The following KAT6B variants were observed in gnomAD, a reference collection of about 807,000 sequenced individuals.
The protein encoded by KAT6B is histone acetyltransferase KAT6B.
In KAT6B, 10 loss-of-function variants were observed where a neutral mutation model predicts 187.5. That is an observed-to-expected ratio of 0.05 (90% CI 0.03 to 0.09). The LOEUF is 0.09. KAT6B is among the 10% of genes least tolerant of loss of function. KAT6B has a pLI of 1.00. For synonymous variants in KAT6B, 861 were observed against 926.8 expected, an observed-to-expected ratio of 0.93 and a Z score of 1.29; for missense variants, 1,952 against 2,558.9, an observed-to-expected ratio of 0.76 and a Z score of 5.12.
At chr10:74,880,815 C>G (rs1349820308) in intron 3 of KAT6B, among the ~76,000 whole-genome samples, 1 of 152,130 alleles carries the variant, frequency 6.6e-6, no homozygotes, top group Non-Finnish European at 1.5e-5. Context: ...GGGGTTTCAC[C>G]ATGTTGGCCA....
chr10:75,030,684 G>A lies in KAT6B; in HGVS notation c.5860G>A (p.Gly1954Ser), dbSNP rs1589848100. 6.2e-7 allele frequency: 1 copy of A among 1,614,146 alleles called. No homozygotes were observed. Among genetic ancestry groups the A allele is most frequent in the Non-Finnish European group, 8.5e-7 (1 of 1,180,034 alleles). Residue 1954 changes from glycine to serine, a missense_variant, in exon 18 of 18, where the codon GGT becomes AGT. Transcript: ENST00000287239. The surrounding 1 kb of genome is among the most constrained non-coding windows in gnomAD (Gnocchi z 4.8). ...YGRSQTVAMQ[G>S]PARTLTMQRG... Reference sequence around the variant, plus strand: ...GCGCTCCCAGACTGTAGCCATGCAGGGTCCTGCACGGACTTTAACGATGCA... The same window carrying A: ...GCGCTCCCAGACTGTAGCCATGCAGAGTCCTGCACGGACTTTAACGATGCA...
At chr10:74,849,579 G>C (rs1380396533) in intron 3 of KAT6B, among the ~76,000 whole-genome samples, 4 of 152,186 alleles carry the variant, frequency 2.6e-5, no homozygotes, top group Non-Finnish European at 5.9e-5. Flanking sequence ...TTACAGGCTT[G>C]TGAGCCACCG....
At chr10:75,022,915 ACT>A (rs1171095616) in intron 16 of KAT6B, among the ~76,000 whole-genome samples, 2 of 152,132 alleles carry the variant, frequency 1.3e-5, no homozygotes, top group Non-Finnish European at 2.9e-5. Flanking sequence ...CAAGAGCGAA[ACT>A]CTGTCTCAAA....
intron 3 of KAT6B, among the ~76,000 whole-genome samples, chr10:74,906,662 G>T (rs1246702669): frequency 6.6e-6 from 1 of 152,124 alleles, no homozygotes; most frequent in Non-Finnish European, 1.5e-5. Flanking sequence ...TTGGTCTTCT[G>T]TTTCCTCTAT....
intron 3 of KAT6B, among the ~76,000 whole-genome samples, chr10:74,930,030 C>T (rs1326520666): frequency 2.0e-5 from 3 of 151,756 alleles, no homozygotes; most frequent in South Asian, 2.1e-4. Context: ...AGCGATTCTC[C>T]TGCCTCAGCC....
At chr10:74,914,672 G>A (rs999949807) in intron 3 of KAT6B, among the ~76,000 whole-genome samples, 1 of 152,200 alleles carries the variant, frequency 6.6e-6, no homozygotes, top group Non-Finnish European at 1.5e-5. Context: ...GGGCTGCATA[G>A]TTAGGATATG....
intron 3 of KAT6B, among the ~76,000 whole-genome samples, chr10:74,883,748 C>G (rs1375869094): frequency 6.6e-6 from 1 of 152,198 alleles, no homozygotes; most frequent in Non-Finnish European, 1.5e-5. Flanking sequence ...TACCTGGAGA[C>G]TGTTGGATGA....
intron 12 of KAT6B, among the ~76,000 whole-genome samples, chr10:74,987,066 T>G (rs1842852999): frequency 6.6e-6 from 1 of 152,212 alleles, no homozygotes; most frequent in Admixed American, 6.5e-5. Flanking sequence ...TGCTGTTATT[T>G]CCTACTATTC....
intron 3 of KAT6B, among the ~76,000 whole-genome samples, chr10:74,846,721 G>A (rs1476555029): frequency 6.6e-6 from 1 of 152,208 alleles, no homozygotes; most frequent in Non-Finnish European, 1.5e-5. Context: ...ACAGGCGTGA[G>A]CCACTGTGCC....
intron 3 of KAT6B, among the ~76,000 whole-genome samples, chr10:74,894,327 C>T (rs941352695): frequency 1.3e-5 from 2 of 152,192 alleles, no homozygotes; most frequent in Non-Finnish European, 2.9e-5. Context: ...AGTGATCCAC[C>T]CACCTCGGCC....
chr10:74,872,963 A>G (rs1844112507), intron 3 of KAT6B, among the ~76,000 whole-genome samples: 1 of 152,098 alleles, frequency 6.6e-6, no homozygotes, highest in Non-Finnish European at 1.5e-5. Flanking sequence ...TATCAATGTT[A>G]AGTGTCCTAA....
chr10:74,876,777 GTGGCGCATGCGTGTAGTC>G (rs1023653797), intron 3 of KAT6B, among the ~76,000 whole-genome samples: 8 of 151,874 alleles, frequency 5.3e-5, no homozygotes, highest in African/African-American at 1.7e-4. Flanking sequence ...GCTGGGCATG[GTGGCGCATGCGTGTAGTC>G]TCAGCTACTC....
At chr10:74,943,050 CTAGTTTTAG>C (rs1849811228) in intron 3 of KAT6B, among the ~76,000 whole-genome samples, 1 of 152,100 alleles carries the variant, frequency 6.6e-6, no homozygotes, top group African/African-American at 2.4e-5. Context: ...AATAGTGTCT[CTAGTTTTAG>C]ACCATATGGT....
chr10:74,830,769 T>TGTA lies in KAT6B; in HGVS notation c.-329+3984_-329+3985insGTA. 2.6e-4 allele frequency among the ~76,000 whole-genome samples: 2 copies of TGTA among 7,738 alleles called. 1 individual carries two copies. Among genetic ancestry groups the TGTA allele is most frequent in the South Asian group, 0.037 (2 of 54 alleles). The allele number at this position is 7,738 out of a possible 152,430, so 5.1% of individuals were successfully genotyped here. A position where few individuals can be genotyped will look rare whatever the true frequency, so the allele number is the denominator to read the frequency against. ...ATATATATATATATATATATATATATTTTTTTTTTTTTTTTTTTTTTTTTT... is the reference window on the plus strand; with the variant it reads ...ATATATATATATATATATATATATATGTATTTTTTTTTTTTTTTTTTTTTTTTT... On this transcript the variant is annotated intron_variant, in intron 1 of 17. Transcript: ENST00000287239.
intron 3 of KAT6B, among the ~76,000 whole-genome samples, chr10:74,953,508 G>A (rs938184586): frequency 1.3e-5 from 2 of 152,150 alleles, no homozygotes; most frequent in Non-Finnish European, 2.9e-5. Context: ...AGAGAGCAGC[G>A]TTTAAATCTG....
At chr10:74,966,142 G>A (rs368098633) in intron 4 of KAT6B, among the ~76,000 whole-genome samples, 17 of 152,264 alleles carry the variant, frequency 1.1e-4, no homozygotes, top group African/African-American at 3.1e-4. Flanking sequence ...CACATTCCCC[G>A]GCTTGCAGCC....
At chr10:74,950,232 G>A (rs1459515782) in intron 3 of KAT6B, among the ~76,000 whole-genome samples, 1 of 152,088 alleles carries the variant, frequency 6.6e-6, no homozygotes, top group African/African-American at 2.4e-5. Context: ...GAAATTGCAA[G>A]AATAGCCATG....
chr10:74,993,723 C>T (rs115569835), intron 13 of KAT6B, among the ~76,000 whole-genome samples: 187 of 152,142 alleles, frequency 1.2e-3, no homozygotes, highest in African/African-American at 4.2e-3. Flanking sequence ...TGCTTTGCTT[C>T]GTGTTTTCCA....
intron 3 of KAT6B, among the ~76,000 whole-genome samples, chr10:74,859,487 A>C (rs970334922): frequency 1.3e-5 from 2 of 152,212 alleles, no homozygotes; most frequent in Non-Finnish European, 2.9e-5. Context: ...AGATGGATGT[A>C]TATTATATTC....
Sources: allele counts gnomAD v4.1 joint callset (sites outside exome capture counted in the v4.1 genomes callset), GRCh38; gene constraint gnomAD v4.1.1; non-coding constraint Gnocchi (gnomAD v3.1); transcripts MANE v1.5; gene names NCBI Gene and HGNC (gene_info 2026-07-23, HGNC 2026-07-21).